APOOL: variants seen among roughly 807,000 people sequenced by gnomAD.
APOOL encodes apolipoprotein O like, also known as MICOS complex subunit MIC27.
A neutral mutation model predicts 23.1 loss-of-function variants in APOOL; 12 were observed. That is an observed-to-expected ratio of 0.52 (90% CI 0.33 to 0.84). The LOEUF (loss-of-function observed/expected upper bound fraction) is 0.84, where lower values mean the gene tolerates loss of function less well. APOOL is among the 40% of genes least tolerant of loss of function. The pLI, the probability that APOOL is intolerant of heterozygous loss-of-function variation, is 0.02. For synonymous variants in APOOL, 77 were observed against 69.9 expected (o/e 1.10, Z -0.51); for missense variants, 212 against 199.6 (o/e 1.06, Z -0.37).
intron 8 of APOOL, among the ~76,000 whole-genome samples, chrX:85,083,577 AATGGAAAAGT>A (rs1207126690): frequency 9.0e-6 from 1 of 111,699 alleles, no homozygotes; most frequent in Non-Finnish European, 1.9e-5. Context: ...AGAAAAAAGG[AATGGAAAAGT>A]TTGAGAAAGT....
At chrX:85,075,797 A>G (rs1249288000) in intron 8 of APOOL, among the ~76,000 whole-genome samples, 2 of 111,725 alleles carry the variant, frequency 1.8e-5, no homozygotes, top group Non-Finnish European at 3.8e-5. Flanking sequence ...GTGGTATATG[A>G]AAAGCATTCT....
At chrX:85,045,190 G>A (rs1021279688) in intron 1 of APOOL, among the ~76,000 whole-genome samples, 2 of 111,620 alleles carry the variant, frequency 1.8e-5, no homozygotes, top group African/African-American at 6.5e-5. Context: ...TTTAAGGGAT[G>A]CATGTGCAGA....
At chrX:85,041,849 G>T (rs1922409428) in intron 1 of APOOL, among the ~76,000 whole-genome samples, 1 of 110,662 alleles carries the variant, frequency 9.0e-6, no homozygotes, top group South Asian at 4.0e-4. Context: ...CTTCCTGCCA[G>T]TCCTGGGTGG....
chrX:85,008,739 C>T (rs769536285), intron 1 of APOOL, among the ~76,000 whole-genome samples: 44 of 111,389 alleles, frequency 4.0e-4, no homozygotes, highest in Non-Finnish European at 7.4e-4. Context: ...CCTACTTTGG[C>T]TATTCAGAGT....
At chrX:85,038,771 T>A (rs1477842382) in intron 1 of APOOL, among the ~76,000 whole-genome samples, 1 of 109,860 alleles carries the variant, frequency 9.1e-6, no homozygotes, top group East Asian at 2.8e-4. Flanking sequence ...ATTTGTCATT[T>A]CTGATTGTGT....
Position 85,073,979 on chromosome X carries a change from T to G in APOOL, c.487-19T>G. 1.1e-5 allele frequency: 12 copies of G among 1,047,017 alleles called. No homozygotes were observed. Among genetic ancestry groups the G allele is most frequent in the Non-Finnish European group, 1.5e-5 (12 of 783,806 alleles). The allele number at this position is 1,047,017 out of a possible 1,213,427, so 86.3% of individuals were successfully genotyped here. On this transcript the variant is annotated intron_variant, in intron 6 of 8. Coordinates refer to ENST00000373173, the MANE Select transcript of APOOL (RefSeq NM_198450.6). Reference sequence around the variant, plus strand: ...ACTTTTAAAAATATGTTATTTGACTTACTTTTTGTTTTAATTAGGTAACAG... The same window carrying G: ...ACTTTTAAAAATATGTTATTTGACTGACTTTTTGTTTTAATTAGGTAACAG...
intron 5 of APOOL, among the ~76,000 whole-genome samples, chrX:85,057,837 A>C (rs1019034869): frequency 1.8e-5 from 2 of 110,454 alleles, no homozygotes; most frequent in Non-Finnish European, 3.8e-5. Flanking sequence ...ATAAAACAAT[A>C]AGACTCAAAG....
intron 8 of APOOL, among the ~76,000 whole-genome samples, chrX:85,085,639 C>T (rs776531865): frequency 8.9e-6 from 1 of 111,804 alleles, no homozygotes; most frequent in East Asian, 2.8e-4. Context: ...AGGTATGGTT[C>T]CCAAATGTAA....
chrX:85,005,749 T>G (rs1390450860), intron 1 of APOOL, among the ~76,000 whole-genome samples: 1 of 111,443 alleles, frequency 9.0e-6, no homozygotes, highest in South Asian at 3.8e-4. Context: ...CAAATGACTG[T>G]GATTCAGAGT....
chrX:85,015,958 T>G (rs1468293543), intron 1 of APOOL, among the ~76,000 whole-genome samples: 1 of 110,741 alleles, frequency 9.0e-6, no homozygotes, highest in Non-Finnish European at 1.9e-5. Context: ...AAAGAGAGCC[T>G]TTGTGTGCTG....
rs1569462330 is a variant in APOOL at position 85,088,095 on chromosome X, T to TACATATTTATACGTATATGTATAC, written c.*418_*419insCATATTTATACGTATATGTATACA. ...ACATATACATATATGTATAAATACA[T>TACATATTTATACGTATATGTATAC]ATACATATTTATACATATATGTATA... On this transcript the variant is annotated 3_prime_UTR_variant, in exon 9 of 9. Transcript: ENST00000373173. 1 of 2,986 alleles carries TACATATTTATACGTATATGTATAC rather than the reference T, an allele frequency of 3.3e-4. No individual in the cohort carries two copies. The highest frequency in any genetic ancestry group is 6.4e-4 in the African/African-American group (1 of 1,565). 0.2% of individuals were successfully genotyped at this position (2,986 alleles called of 1,213,427 possible). A position where few individuals can be genotyped will look rare whatever the true frequency, so the allele number is the denominator to read the frequency against.
At position 85,088,095 on chromosome X, in the gene APOOL, T is replaced by TATATATGTATAAATAC. The variant is rs1924392537; in HGVS notation, c.*420_*421insTATGTATAAATACATA. On this transcript the variant is annotated 3_prime_UTR_variant, in exon 9 of 9. Transcript: ENST00000373173. ...ACATATACATATATGTATAAATACA[T>TATATATGTATAAATAC]ATACATATTTATACATATATGTATA... is the stretch of plus-strand genomic sequence containing the variant. 4 of 2,987 alleles carry TATATATGTATAAATAC rather than the reference T, an allele frequency of 1.3e-3. 1 individual carries two copies. Among genetic ancestry groups the TATATATGTATAAATAC allele is most frequent in the African/African-American group, 2.6e-3 (4 of 1,566 alleles). The allele number at this position is 2,987 out of a possible 1,213,427, so 0.2% of individuals were successfully genotyped here. A position where few individuals can be genotyped will look rare whatever the true frequency, so the allele number is the denominator to read the frequency against.
At chrX:85,057,692 T>C (rs1412211619) in intron 5 of APOOL, among the ~76,000 whole-genome samples, 2 of 107,986 alleles carry the variant, frequency 1.9e-5, no homozygotes, top group African/African-American at 3.4e-5. Context: ...ATGGATGATA[T>C]ATATATATAT....
intron 2 of APOOL, among the ~76,000 whole-genome samples, chrX:85,048,724 G>T (rs971227410): frequency 4.5e-5 from 5 of 112,167 alleles, no homozygotes; most frequent in East Asian, 2.8e-4. Context: ...TGAATGAAGT[G>T]TTCTGGTTAT....
At chrX:85,051,604 G>A (rs963936789) in intron 3 of APOOL, 96 bp downstream of exon 3, 17 of 1,031,208 alleles carry the variant, frequency 1.6e-5, no homozygotes, top group Non-Finnish European at 2.3e-5. Flanking sequence ...AAACTTAATG[G>A]CTTAAAACCA....
chrX:85,077,100 CAT>C (rs1209668678), intron 8 of APOOL, among the ~76,000 whole-genome samples: 14 of 96,664 alleles, frequency 1.4e-4, no homozygotes, highest in East Asian at 6.4e-4. Context: ...TATACACACA[CAT>C]ATATATATAT....
chrX:85,023,457 A>T (rs746324291), intron 1 of APOOL, among the ~76,000 whole-genome samples: 1 of 112,013 alleles, frequency 8.9e-6, no homozygotes, highest in Admixed American at 9.5e-5. Context: ...GAGAGAATTC[A>T]TATTATTAAA....
intron 8 of APOOL, among the ~76,000 whole-genome samples, chrX:85,084,134 CTTTT>C (rs35647720): frequency 1.2e-5 from 1 of 83,812 alleles, no homozygotes. Context: ...TGAGATGAAG[CTTTT>C]TTTTTTTTTT....
rs1922969661 is a variant in APOOL at position 85,056,536 on chromosome X, G to A, written c.394+611G>A. Among the ~76,000 whole-genome samples the A allele has an allele frequency of 5.4e-5, 6 of 111,249 alleles. No individual in the cohort carries two copies. The South Asian group carries it at 2.3e-3, about 42-fold the overall frequency. On this transcript the variant is annotated intron_variant, in intron 5 of 8. Transcript: ENST00000373173. The stretch of plus-strand genomic sequence containing the variant: ...AGGTGGGTGGATCACCTGAGGTCGG[G>A]AGTTTGAGACCAGCCTGACCAACAT...
Sources: allele counts gnomAD v4.1 joint callset (sites outside exome capture counted in the v4.1 genomes callset), GRCh38; gene constraint gnomAD v4.1.1; transcripts MANE v1.5; gene names NCBI Gene and HGNC (gene_info 2026-07-23, HGNC 2026-07-21).